The following GIGYF2 variants were observed in gnomAD, a reference collection of about 807,000 sequenced individuals.
The protein encoded by GIGYF2 is GRB10 interacting GYF protein 2.
Under a neutral mutation model 208.1 loss-of-function variants are expected in GIGYF2, and 25 were observed. The observed-to-expected ratio is 0.12, with a 90% CI of 0.09 to 0.17. GIGYF2 has a LOEUF of 0.17. Ranked by LOEUF, GIGYF2 falls within the 10% of genes least tolerant of loss-of-function variation. The pLI is 1.00. For missense variants in GIGYF2, 1,302 were observed against 1,579.4 expected (o/e 0.82, Z 2.98); for synonymous variants, 534 against 543.8 (o/e 0.98, Z 0.25).
chr2:232,716,374 GTTTTTTTTTTTT>G (rs397988241), intron 2 of GIGYF2, among the ~76,000 whole-genome samples: 1 of 100,290 alleles, frequency 1.0e-5, no homozygotes, highest in Non-Finnish European at 1.9e-5. Context: ...GGTGTTATTT[GTTTTTTTTTTTT>G]TTTTTTTTTT....
intron 2 of GIGYF2, among the ~76,000 whole-genome samples, chr2:232,731,964 T>C (rs183693803): frequency 6.6e-6 from 1 of 152,298 alleles, no homozygotes; most frequent in East Asian, 1.9e-4. Flanking sequence ...TGTATGAAAA[T>C]GAAAATAGAA....
At chr2:232,703,818 T>C (rs1043979237) in intron 2 of GIGYF2, among the ~76,000 whole-genome samples, 2 of 152,162 alleles carry the variant, frequency 1.3e-5, no homozygotes, top group African/African-American at 4.8e-5. Flanking sequence ...CTGGGAAGCT[T>C]TCAGGAGCCA....
At chr2:232,842,098 C>A (rs1337091349) in intron 23 of GIGYF2, among the ~76,000 whole-genome samples, 1 of 152,180 alleles carries the variant, frequency 6.6e-6, no homozygotes, top group Non-Finnish European at 1.5e-5. Flanking sequence ...CCTTGGCCTC[C>A]CAAAGTGTTG....
At position 232,790,747 on chromosome 2, in the gene GIGYF2, G is replaced by T; in HGVS notation, c.762G>T (p.Arg254Ser). The T allele has an allele frequency of 6.2e-7, 1 of 1,614,118 alleles. No individual in the cohort carries two copies. Among genetic ancestry groups the T allele is most frequent in the Non-Finnish European group, 8.5e-7 (1 of 1,180,006 alleles). Reference protein sequence around the residue: ...GWREHMERRRRFEFDFRDRDD... With the variant: ...GWREHMERRRSFEFDFRDRDD... ...GGGAACACATGGAACGACGTCGGAGGTTTGAGTTTGATTTTCGAGATAGAG... is the reference window on the plus strand; with the variant it reads ...GGGAACACATGGAACGACGTCGGAGTTTTGAGTTTGATTTTCGAGATAGAG... The change falls in exon 10 of 29, where the codon AGG becomes AGT. Residue 254 changes from arginine to serine, a missense_variant. Physicochemically the swap from Arg to Ser is moderately radical, Grantham distance 110. Around this residue, in one of 8 missense-constraint regions of GIGYF2, gnomAD observed 50 missense variants for 42.3 expected, o/e 1.18. Coordinates refer to ENST00000373563, the MANE Select transcript of GIGYF2 (RefSeq NM_001103146.3).
At chr2:232,793,887 G>T (rs1277933489) in intron 12 of GIGYF2, among the ~76,000 whole-genome samples, 1 of 152,098 alleles carries the variant, frequency 6.6e-6, no homozygotes, top group African/African-American at 2.4e-5. Flanking sequence ...AGGAAGACTA[G>T]GAAAAGTCAT....
intron 1 of GIGYF2, among the ~76,000 whole-genome samples, chr2:232,700,004 ATTCT>A (rs1695775354): frequency 6.6e-6 from 1 of 152,186 alleles, no homozygotes; most frequent in African/African-American, 2.4e-5. Context: ...TTATCTCCAT[ATTCT>A]TTTTACTGAG....
At chr2:232,854,653 G>A (rs1324000942) in intron 28 of GIGYF2, among the ~76,000 whole-genome samples, 1 of 152,136 alleles carries the variant, frequency 6.6e-6, no homozygotes, top group Non-Finnish European at 1.5e-5. Flanking sequence ...CTTGTAAGCA[G>A]TTGGTACCAC....
At chr2:232,731,949 T>C (rs1048398075) in intron 2 of GIGYF2, among the ~76,000 whole-genome samples, 5 of 152,232 alleles carry the variant, frequency 3.3e-5, no homozygotes, top group Non-Finnish European at 5.9e-5. Context: ...TATCCTTCTA[T>C]TGCATGTATG....
rs397988241 is a variant in GIGYF2 at position 232,716,374 on chromosome 2, G to GTTT, written c.-44+12905_-44+12907dup. On this transcript the variant is annotated intron_variant, in intron 2 of 28. Transcript: ENST00000373563. ...TTTTATCAAGATAATGGTGTTATTT[G>GTTT]TTTTTTTTTTTTTTTTTTTTTTGAG... Among the ~76,000 whole-genome samples the GTTT allele has an allele frequency of 5.1e-4, 51 of 100,260 alleles. 1 individual carries two copies. The highest frequency in any genetic ancestry group is 1.5e-3 in the East Asian group (5 of 3,416). The allele number at this position is 100,260 out of a possible 152,430, so 65.8% of individuals were successfully genotyped here. A position where few individuals can be genotyped will look rare whatever the true frequency, so the allele number is the denominator to read the frequency against.
chr2:232,817,193 A>G (rs1168801524), intron 20 of GIGYF2, among the ~76,000 whole-genome samples, 161 bp downstream of exon 20: 1 of 152,148 alleles, frequency 6.6e-6, no homozygotes, highest in Non-Finnish European at 1.5e-5. Flanking sequence ...TTTCACCAAC[A>G]CCCACTGTAG....
At chr2:232,843,149 G>A (rs1466855550) in intron 23 of GIGYF2, 1 of 121,978 alleles carries the variant, frequency 8.2e-6, no homozygotes, top group Non-Finnish European at 1.8e-5. Flanking sequence ...GTGTGTGTGT[G>A]TGTGTGTGTG....
chr2:232,851,828 A>T (rs1358526244), intron 28 of GIGYF2, among the ~76,000 whole-genome samples: 1 of 152,226 alleles, frequency 6.6e-6, no homozygotes, highest in African/African-American at 2.4e-5. Flanking sequence ...TCCTGTCAGG[A>T]GGGCAGAACA....
intron 16 of GIGYF2, chr2:232,810,905 G>T: frequency 3.9e-6 from 1 of 254,912 alleles, no homozygotes; most frequent in Non-Finnish European, 7.7e-6. Flanking sequence ...TTTTTCATTT[G>T]ATTTCTGATA....
chr2:232,735,248 C>A lies in GIGYF2; in HGVS notation c.41+10C>A. ...ACTTTGGGCCTGAATGGTGAGTTTTCAAAATCTCATCTTCTTTGATATTGG... is the reference window on the plus strand; with the variant it reads ...ACTTTGGGCCTGAATGGTGAGTTTTAAAAATCTCATCTTCTTTGATATTGG... On this transcript the variant is annotated intron_variant, in intron 3 of 28. Coordinates refer to ENST00000373563, the MANE Select transcript of GIGYF2 (RefSeq NM_001103146.3). 6.3e-7 allele frequency: 1 copy of A among 1,581,862 alleles called. No homozygotes were observed. The highest frequency in any genetic ancestry group is 8.7e-7 in the Non-Finnish European group (1 of 1,150,672).
chr2:232,819,994 ATGGTTTTGTCT>A lies in GIGYF2; in HGVS notation c.2529+11_2529+21del. On this transcript the variant is annotated intron_variant, in intron 21 of 28. Coordinates refer to ENST00000373563, the MANE Select transcript of GIGYF2 (RefSeq NM_001103146.3). ...AATTGTTACGCAAACAGGTGACCAG[ATGGTTTTGTCT>A]TCTAATTGTTCCTTTGAAGCTGGGA... The A allele has an allele frequency of 6.2e-7, 1 of 1,613,132 alleles. No individual in the cohort carries two copies. Among genetic ancestry groups the A allele is most frequent in the East Asian group, 2.2e-5 (1 of 44,846 alleles).
At chr2:232,794,554 G>A (rs1011530818) in intron 12 of GIGYF2, among the ~76,000 whole-genome samples, 194 bp from the exon 13 acceptor site, 3 of 152,116 alleles carry the variant, frequency 2.0e-5, no homozygotes, top group African/African-American at 7.2e-5. Context: ...CTTACCTTTT[G>A]TCATTCTGTG....
At chr2:232,770,031 A>C (rs1699167383) in intron 8 of GIGYF2, among the ~76,000 whole-genome samples, 1 of 152,160 alleles carries the variant, frequency 6.6e-6, no homozygotes, top group Non-Finnish European at 1.5e-5. Flanking sequence ...GTTAGTGCCA[A>C]GAGATACAAG....
At chr2:232,769,305 C>T (rs1202303504) in intron 8 of GIGYF2, among the ~76,000 whole-genome samples, 1 of 151,862 alleles carries the variant, frequency 6.6e-6, no homozygotes, top group Non-Finnish European at 1.5e-5. Context: ...CCGAGGCGGG[C>T]GGGTCATTTG....
chr2:232,831,766 A>G (rs1701430393), intron 21 of GIGYF2, among the ~76,000 whole-genome samples: 2 of 152,276 alleles, frequency 1.3e-5, no homozygotes, highest in South Asian at 4.1e-4. Context: ...CGTCATGGTT[A>G]AGAGTTTTGG....
Sources: allele counts gnomAD v4.1 joint callset (sites outside exome capture counted in the v4.1 genomes callset), GRCh38; gene constraint gnomAD v4.1.1; regional missense constraint gnomAD v4.1.1; transcripts MANE v1.5; gene names NCBI Gene and HGNC (gene_info 2026-07-23, HGNC 2026-07-21).